The following CCL28 variants were observed in gnomAD, a reference collection of about 807,000 sequenced individuals.
CCL28 encodes the protein C-C motif chemokine 28.
In CCL28, 4 loss-of-function variants were observed where a neutral mutation model predicts 7.1. The observed-to-expected ratio is 0.56, with a 90% CI of 0.28 to 1.29. The LOEUF (loss-of-function observed/expected upper bound fraction) is 1.29. Ranked by LOEUF, CCL28 falls within the 50% of genes most tolerant of loss-of-function variation. CCL28 has a pLI of 0.11. For missense variants in CCL28, 151 were observed against 163.4 expected (o/e 0.92, Z 0.41); for synonymous variants, 55 against 57.8 (o/e 0.95, Z 0.22).
At chr5:43,375,276 A>G (rs1240221000), downstream of CCL28, among the ~76,000 whole-genome samples, 2 of 150,006 alleles carry the variant, frequency 1.3e-5, no homozygotes, top group Admixed American at 6.7e-5. Flanking sequence ...GGCGTGAGCC[A>G]CTGCGCCCAA....
At chr5:43,358,634 G>A in the CCL28 span, among the ~76,000 whole-genome samples, 1 of 152,182 alleles carries the variant, frequency 6.6e-6, no homozygotes, top group East Asian at 1.9e-4. Flanking sequence ...AGCAACTGCT[G>A]GGAATTAGGT....
chr5:43,358,699 C>G, the CCL28 span, among the ~76,000 whole-genome samples: 1 of 152,166 alleles, frequency 6.6e-6, no homozygotes, highest in Non-Finnish European at 1.5e-5. Flanking sequence ...AAGCACTGTG[C>G]TTTATATTAA....
At chr5:43,375,114 C>T (rs903040286), downstream of CCL28, among the ~76,000 whole-genome samples, 22 of 151,782 alleles carry the variant, frequency 1.4e-4, no homozygotes, top group African/African-American at 4.4e-4. Context: ...CTCAGCCTCC[C>T]GAGTAGCTGG....
intron 2 of CCL28, among the ~76,000 whole-genome samples, chr5:43,384,653 TC>T (rs1292985681): frequency 6.6e-6 from 1 of 151,976 alleles, no homozygotes; most frequent in Non-Finnish European, 1.5e-5. Context: ...TTTTTTTTTT[TC>T]TTAACCCTCA....
rs1740134815 is a variant in CCL28 at position 43,381,930 on chromosome 5, T to C, written c.314A>G (p.His105Arg). ...TGCCCTGTTACTGTTCCTCTTGCCA[T>C]GGTGTTTCTTCCTGTGGCAAACATT... is the stretch of plus-strand genomic sequence containing the variant. ...KGNVCHRKKH[H>R]GKRNSNRAHQ... is the part of the protein sequence containing the mutation. Residue 105 changes from histidine to arginine, a missense_variant, in exon 3 of 3, where the codon CAT (histidine) becomes CGT (arginine). Coordinates refer to ENST00000361115, the MANE Select transcript of CCL28 (RefSeq NM_148672.3). 2.5e-6 allele frequency: 4 copies of C among 1,614,072 alleles called. No homozygotes were observed. Among genetic ancestry groups the C allele is most frequent in the East Asian group, 4.5e-5 (2 of 44,894 alleles).
chr5:43,405,807 A>G (rs868275928), intron 1 of CCL28, among the ~76,000 whole-genome samples: 11 of 152,220 alleles, frequency 7.2e-5, no homozygotes, highest in Admixed American at 1.3e-4. Context: ...AAAAATGATA[A>G]GGAGAATATC....
At position 43,412,259 on chromosome 5, in the gene CCL28, A is replaced by T; in HGVS notation, c.58T>A (p.Ser20Thr). 6.2e-7 allele frequency: 1 copy of T among 1,611,618 alleles called. No individual in the cohort carries two copies. The highest frequency in any genetic ancestry group is 8.5e-7 in the Non-Finnish European group (1 of 1,178,724). ...ALAVCAALHA[S>T]EAILPIASSC... ...GTCCAGTGCCCCCACTCACCTTCTG[A>T]GGCATGTAGGGCCGCACAGACAGCC... The change falls in exon 1 of 3, where the codon TCA becomes ACA. Residue 20 changes from serine to threonine, a missense_variant. By Grantham distance (58) the Ser-to-Thr change is moderately conservative. Coordinates refer to ENST00000361115, the MANE Select transcript of CCL28 (RefSeq NM_148672.3).
the CCL28 span, among the ~76,000 whole-genome samples, chr5:43,368,665 G>A: frequency 2.0e-5 from 3 of 152,156 alleles, no homozygotes; most frequent in African/African-American, 7.2e-5. Context: ...AAGGTCATTA[G>A]GGTGGGCCCT....
downstream of CCL28, among the ~76,000 whole-genome samples, chr5:43,375,484 A>G (rs538333447): frequency 1.4e-4 from 21 of 148,344 alleles, no homozygotes; most frequent in African/African-American, 5.3e-4. Context: ...AAAAAAAAAA[A>G]AGCCATTGCC....
intron 1 of CCL28, among the ~76,000 whole-genome samples, chr5:43,408,737 G>T (rs1224507191): frequency 4.6e-5 from 7 of 152,008 alleles, no homozygotes; most frequent in Non-Finnish European, 1.0e-4. Context: ...AGGGGAGAGG[G>T]ATTAAAGGAA....
At chr5:43,389,898 A>C (rs1740502622) in intron 1 of CCL28, among the ~76,000 whole-genome samples, 1 of 152,220 alleles carries the variant, frequency 6.6e-6, no homozygotes, top group African/African-American at 2.4e-5. Context: ...GAGAATGTAA[A>C]CTGGGTAGTT....
chr5:43,358,421 G>A, the CCL28 span, among the ~76,000 whole-genome samples: 1 of 152,180 alleles, frequency 6.6e-6, no homozygotes, highest in African/African-American at 2.4e-5. Flanking sequence ...AAAGCAGAGG[G>A]GACTTGCTTA....
intron 1 of CCL28, among the ~76,000 whole-genome samples, chr5:43,400,473 C>T (rs1479635290): frequency 6.6e-6 from 1 of 152,166 alleles, no homozygotes; most frequent in Non-Finnish European, 1.5e-5. Context: ...GCGTGATCCA[C>T]TGCGCCTGGC....
chr5:43,402,088 T>C (rs1741062041), intron 1 of CCL28, among the ~76,000 whole-genome samples: 1 of 152,216 alleles, frequency 6.6e-6, no homozygotes, highest in South Asian at 2.1e-4. Context: ...AGAAGGTGGA[T>C]ATCCAGCATG....
chr5:43,372,782 T>C (rs1359722674), downstream of CCL28, among the ~76,000 whole-genome samples: 1 of 151,764 alleles, frequency 6.6e-6, no homozygotes, highest in African/African-American at 2.4e-5. Context: ...TTTTTTTTTT[T>C]TTTAGAGCTG....
chr5:43,400,809 G>T (rs1740996191), intron 1 of CCL28, among the ~76,000 whole-genome samples: 1 of 152,218 alleles, frequency 6.6e-6, no homozygotes, highest in African/African-American at 2.4e-5. Flanking sequence ...GGCAGGCTGG[G>T]TGTGGTGGCT....
At chr5:43,357,589 C>G in the CCL28 span, among the ~76,000 whole-genome samples, 1 of 152,130 alleles carries the variant, frequency 6.6e-6, no homozygotes, top group Non-Finnish European at 1.5e-5. Flanking sequence ...AATTCTTCTC[C>G]TTATTTCCAA....
chr5:43,362,732 T>C, the CCL28 span, among the ~76,000 whole-genome samples: 3 of 152,224 alleles, frequency 2.0e-5, no homozygotes, highest in Non-Finnish European at 4.4e-5. Flanking sequence ...TTGGCCTGAT[T>C]TTAACATTCG....
At chr5:43,383,147 C>G (rs926898811) in intron 2 of CCL28, among the ~76,000 whole-genome samples, 4 of 152,120 alleles carry the variant, frequency 2.6e-5, no homozygotes, top group Admixed American at 2.6e-4. Context: ...GAAGTTTTCA[C>G]AGTGGGCTGG....
Sources: allele counts gnomAD v4.1 joint callset (sites outside exome capture counted in the v4.1 genomes callset), GRCh38; gene constraint gnomAD v4.1.1; transcripts MANE v1.5; gene names NCBI Gene and HGNC (gene_info 2026-07-23, HGNC 2026-07-21).